The following BIRC6 variants were observed in gnomAD, a reference collection of about 807,000 sequenced individuals.
The protein encoded by BIRC6 is dual E2 ubiquitin-conjugating enzyme/E3 ubiquitin-protein ligase BIRC6.
Under a neutral mutation model 503.3 loss-of-function variants are expected in BIRC6, and 98 were observed. The ratio of observed to expected loss-of-function variants is 0.19; its 90% CI spans 0.17 to 0.23. BIRC6 has a LOEUF of 0.23. Among genes scored for constraint, BIRC6 ranks in the 10% least tolerant of loss-of-function variants. The probability of loss-of-function intolerance (pLI) is 1.00; values close to 1 mark genes in which losing one functional copy is unlikely to be tolerated. For missense variants in BIRC6, 5,360 were observed against 5,806.0 expected (o/e 0.92, Z 2.50); for synonymous variants, 2,240 against 2,078.7 (o/e 1.08, Z -2.11).
At chr2:32,559,838 AC>A (rs1249322580) in intron 65 of BIRC6, among the ~76,000 whole-genome samples, 1 of 152,106 alleles carries the variant, frequency 6.6e-6, no homozygotes, top group South Asian at 2.1e-4. Context: ...ACATGGTGAA[AC>A]CCTGTCTCTA....
intron 26 of BIRC6, among the ~76,000 whole-genome samples, chr2:32,466,834 G>A (rs180801281): frequency 2.6e-5 from 4 of 151,946 alleles, no homozygotes; most frequent in African/African-American, 7.2e-5. Context: ...TTAAAGAGAC[G>A]GGTGGCTAGG....
chr2:32,468,422 C>G lies in BIRC6; in HGVS notation c.5781-15C>G. 2 of 1,531,814 alleles carry G rather than the reference C, an allele frequency of 1.3e-6. No homozygotes were observed. The highest frequency in any genetic ancestry group is 1.8e-6 in the Non-Finnish European group (2 of 1,137,604). 94.9% of individuals were successfully genotyped at this position (1,531,814 alleles called of 1,614,324 possible). A position where few individuals can be genotyped will look rare whatever the true frequency, so the allele number is the denominator to read the frequency against. ...CATTACAAGAATTATTTTGTTCAAT[C>G]TTTTTTTACTTTAGGTATAACTTGG... On this transcript the variant is annotated splice_polypyrimidine_tract_variant and intron_variant, in intron 28 of 73. Transcript: ENST00000421745.
intron 66 of BIRC6, among the ~76,000 whole-genome samples, chr2:32,593,335 G>T (rs929195059): frequency 6.6e-5 from 10 of 152,088 alleles, no homozygotes; most frequent in Admixed American, 2.0e-4. Context: ...ACATCCTATT[G>T]TGATAACAAT....
At chr2:32,539,652 T>C (rs1009900362) in intron 61 of BIRC6, among the ~76,000 whole-genome samples, 1 of 152,148 alleles carries the variant, frequency 6.6e-6, no homozygotes. Flanking sequence ...ACATGGGATA[T>C]AGCTACAGCA....
At position 32,491,563 on chromosome 2, in the gene BIRC6, TATG is replaced by T. The variant is rs1200087073; in HGVS notation, c.8340+9_8340+11del. On this transcript the variant is annotated splice_donor_region_variant and intron_variant, in intron 44 of 73. Transcript: ENST00000421745. ...ACAAATCAACACAGTCCACAGGTAATATGATGTTTAGCCTGGCATATGCCCAGA... is the reference window on the plus strand; with the variant it reads ...ACAAATCAACACAGTCCACAGGTAATATGTTTAGCCTGGCATATGCCCAGA... 2 of 1,612,092 alleles carry T rather than the reference TATG, an allele frequency of 1.2e-6. No homozygotes were observed. Among genetic ancestry groups the T allele is most frequent in the Non-Finnish European group, 1.7e-6 (2 of 1,179,310 alleles).
At chr2:32,542,500 A>G (rs773100791) in intron 61 of BIRC6, among the ~76,000 whole-genome samples, 18 of 152,222 alleles carry the variant, frequency 1.2e-4, no homozygotes, top group Non-Finnish European at 2.5e-4. Context: ...ATAAAAATTA[A>G]TGGATAAGAA....
At chr2:32,472,379 C>T (rs76791985) in intron 32 of BIRC6, among the ~76,000 whole-genome samples, 2,927 of 151,958 alleles carry the variant, frequency 0.019, 84 homozygotes, top group African/African-American at 0.068. Context: ...GAGAAACAGT[C>T]TTGAAAAAAA....
At position 32,406,515 on chromosome 2, in the gene BIRC6, G is replaced by C; in HGVS notation, c.1435G>C (p.Asp479His). 6.2e-7 allele frequency: 1 copy of C among 1,609,604 alleles called. No individual in the cohort carries two copies. Among genetic ancestry groups the C allele is most frequent in the Non-Finnish European group, 8.5e-7 (1 of 1,177,018 alleles). ...LEGDSDDLLE[D>H]SDSEEHSRSD... Reference sequence around the variant, plus strand: ...TGATTTAAGTGATGATTTACTGGAGGATTCAGACAGTGAAGAGCATTCCAG... The same window carrying C: ...TGATTTAAGTGATGATTTACTGGAGCATTCAGACAGTGAAGAGCATTCCAG... Residue 479 changes from aspartate (D) to histidine (H), a missense_variant, in exon 9 of 74, where the codon GAT (aspartate) becomes CAT (histidine). Asp to His is a moderately conservative substitution (Grantham distance 81). Transcript: ENST00000421745.
chr2:32,516,254 C>A (rs1247913258), intron 55 of BIRC6, among the ~76,000 whole-genome samples: 1 of 152,134 alleles, frequency 6.6e-6, no homozygotes. Flanking sequence ...TGGCTCATGC[C>A]TGTAATCCCA....
intron 1 of BIRC6, among the ~76,000 whole-genome samples, chr2:32,366,559 C>T (rs770139909): frequency 6.6e-6 from 1 of 151,874 alleles, no homozygotes; most frequent in Non-Finnish European, 1.5e-5. Context: ...ATATATAGAA[C>T]TTAAAAAAAT....
At chr2:32,604,243 A>T (rs938343805) in intron 71 of BIRC6, among the ~76,000 whole-genome samples, 12 of 152,186 alleles carry the variant, frequency 7.9e-5, no homozygotes, top group Non-Finnish European at 1.6e-4. Context: ...ATGACTTCAA[A>T]TATTGTACAC....
chr2:32,376,750 G>A (rs1435854023), intron 1 of BIRC6, among the ~76,000 whole-genome samples: 1 of 152,028 alleles, frequency 6.6e-6, no homozygotes, highest in South Asian at 2.1e-4. Context: ...ATGCATACCT[G>A]TAATAAAGTT....
chr2:32,615,568 G>T (rs1254121601), intron 73 of BIRC6, among the ~76,000 whole-genome samples: 1 of 152,076 alleles, frequency 6.6e-6, no homozygotes, highest in African/African-American at 2.4e-5. Context: ...CATAAAAATT[G>T]TTCTGTAAAT....
chr2:32,439,739 C>G (rs910998932), intron 16 of BIRC6, 53 bp downstream of exon 16: 2 of 1,497,248 alleles, frequency 1.3e-6, no homozygotes, highest in Admixed American at 1.8e-5. Context: ...CATTGTGGAT[C>G]AGATTTAACA....
chr2:32,517,771 CA>C (rs2055213853), intron 55 of BIRC6, among the ~76,000 whole-genome samples: 1 of 220 alleles, frequency 4.5e-3, no homozygotes, highest in African/African-American at 0.022. Flanking sequence ...TGGGTAGAGA[CA>C]GGTTTCACCA....
At chr2:32,449,044 A>G (rs750658062) in intron 22 of BIRC6, 116 bp downstream of exon 22, 3 of 908,790 alleles carry the variant, frequency 3.3e-6, no homozygotes, top group Non-Finnish European at 4.8e-6. Flanking sequence ...AAAATTCCTT[A>G]GAACTTATCA....
At chr2:32,612,422 A>G (rs374335696) in intron 73 of BIRC6, among the ~76,000 whole-genome samples, 1 of 152,136 alleles carries the variant, frequency 6.6e-6, no homozygotes, top group East Asian at 1.9e-4. Context: ...TTTTTCCTGC[A>G]TCTGAATGTC....
chr2:32,443,361 T>G, intron 19 of BIRC6, 130 bp from the exon 20 acceptor site: 1 of 614,014 alleles, frequency 1.6e-6, no homozygotes, highest in Non-Finnish European at 2.8e-6. Flanking sequence ...TTTATATAGC[T>G]TTAAGGCAGG....
chr2:32,361,316 A>G (rs1020650903), intron 1 of BIRC6, among the ~76,000 whole-genome samples: 4 of 152,164 alleles, frequency 2.6e-5, no homozygotes, highest in African/African-American at 9.7e-5. Flanking sequence ...CTTATATACT[A>G]ATTGCTAAGT....
Sources: allele counts gnomAD v4.1 joint callset (sites outside exome capture counted in the v4.1 genomes callset), GRCh38; gene constraint gnomAD v4.1.1; transcripts MANE v1.5; gene names NCBI Gene and HGNC (gene_info 2026-07-23, HGNC 2026-07-21).